SEC14L1: variants seen among roughly 807,000 people sequenced by gnomAD.
The protein encoded by SEC14L1 is SEC14-like protein 1.
Under a neutral mutation model 85.3 loss-of-function variants are expected in SEC14L1, and 48 were observed. The ratio of observed to expected loss-of-function variants is 0.56; its 90% confidence interval spans 0.45 to 0.72. SEC14L1 has a LOEUF of 0.72. Among genes scored for constraint, SEC14L1 ranks in the 30% least tolerant of loss-of-function variants. SEC14L1 has a pLI of 0.00. For synonymous variants in SEC14L1, 391 were observed against 355.5 expected (o/e 1.10, Z -1.12); for missense variants, 682 against 921.4 (o/e 0.74, Z 3.36).
At chr17:77,150,429 G>A (rs1973504328) in intron 3 of SEC14L1, among the ~76,000 whole-genome samples, 1 of 152,166 alleles carries the variant, frequency 6.6e-6, no homozygotes, top group Non-Finnish European at 1.5e-5. Flanking sequence ...CAAATACCAG[G>A]GGAACTGAAT....
intron 7 of SEC14L1, among the ~76,000 whole-genome samples, chr17:77,195,235 A>G (rs559414464): frequency 4.1e-4 from 62 of 151,694 alleles, no homozygotes; most frequent in Non-Finnish European, 6.5e-4. Context: ...GGCTCAAGCA[A>G]TCCTTCTGCC....
chr17:77,111,327 GT>G (rs1157899168), intron 3 of SEC14L1, among the ~76,000 whole-genome samples: 1 of 151,978 alleles, frequency 6.6e-6, no homozygotes, highest in Non-Finnish European at 1.5e-5. Context: ...GTCTAAAGAC[GT>G]GGGATTGATA....
intron 3 of SEC14L1, among the ~76,000 whole-genome samples, chr17:77,113,171 A>T (rs1972086273): frequency 6.6e-6 from 1 of 152,210 alleles, no homozygotes; most frequent in African/African-American, 2.4e-5. Flanking sequence ...AAAACAAAAA[A>T]AAGAAAGAAA....
intron 3 of SEC14L1, among the ~76,000 whole-genome samples, chr17:77,187,872 G>C (rs1224473435): frequency 1.3e-5 from 2 of 151,554 alleles, no homozygotes; most frequent in Non-Finnish European, 2.9e-5. Context: ...AGCCTCCTGA[G>C]TAGCTAGAAC....
At chr17:77,117,958 G>C (rs903421573) in intron 3 of SEC14L1, among the ~76,000 whole-genome samples, 1 of 152,188 alleles carries the variant, frequency 6.6e-6, no homozygotes, top group Non-Finnish European at 1.5e-5. Flanking sequence ...AAGTTCTCTC[G>C]AACCTAGGAC....
chr17:77,105,163 C>T (rs1971880999), intron 3 of SEC14L1, among the ~76,000 whole-genome samples: 1 of 152,122 alleles, frequency 6.6e-6, no homozygotes, highest in Non-Finnish European at 1.5e-5. Context: ...GAAGGGGAGG[C>T]AGGTTGGCCC....
At chr17:77,212,290 G>T in intron 15 of SEC14L1, 89 bp downstream of exon 15, 1 of 1,541,410 alleles carries the variant, frequency 6.5e-7, no homozygotes, top group Non-Finnish European at 8.8e-7. Context: ...TTCGCTCCTT[G>T]AGCAGCCCTG....
intron 8 of SEC14L1, among the ~76,000 whole-genome samples, chr17:77,200,103 C>T (rs1181633853): frequency 1.3e-5 from 2 of 152,160 alleles, no homozygotes; most frequent in Non-Finnish European, 2.9e-5. Flanking sequence ...TAGTTGGGGG[C>T]TGCAGTGAGC....
intron 3 of SEC14L1, chr17:77,185,417 G>C: frequency 1.0e-6 from 1 of 983,360 alleles, no homozygotes; most frequent in Non-Finnish European, 1.2e-6. Flanking sequence ...ATGAGTCTAC[G>C]TGGATGGAGA....
At position 77,194,736 on chromosome 17, in the gene SEC14L1, G is replaced by A. The variant is rs1178082347; in HGVS notation, c.534G>A (p.Val178=). 6.2e-7 allele frequency: 1 copy of A among 1,614,216 alleles called. No homozygotes were observed. Among genetic ancestry groups the A allele is most frequent in the African/African-American group, 1.3e-5 (1 of 75,068 alleles). ...TAGAAGAAGAAGGCATAACCTTTGTGCCCCGTTGGAGTCCGCCTTCCATCA... is the reference window on the plus strand; with the variant it reads ...TAGAAGAAGAAGGCATAACCTTTGTACCCCGTTGGAGTCCGCCTTCCATCA... ...RQLEEEGITF[V]PRWSPPSITT... Residue 178 remains valine, a synonymous_variant, in exon 7 of 17, where the codon GTG becomes GTA. Coordinates refer to ENST00000436233, the MANE Select transcript of SEC14L1 (RefSeq NM_001143998.2).
chr17:77,139,313 A>G (rs954807745), upstream of SEC14L1, among the ~76,000 whole-genome samples: 9 of 151,924 alleles, frequency 5.9e-5, no homozygotes, highest in Admixed American at 5.2e-4. Context: ...CTGGGATTAC[A>G]GGCATCTGGC....
At chr17:77,164,198 T>C (rs1197672636) in intron 3 of SEC14L1, among the ~76,000 whole-genome samples, 6 of 152,110 alleles carry the variant, frequency 3.9e-5, no homozygotes, top group Non-Finnish European at 1.5e-5. Flanking sequence ...CCCGGTACCG[T>C]GCCCCCGAGC....
intron 3 of SEC14L1, among the ~76,000 whole-genome samples, chr17:77,128,426 TTTTATTTTATTTTATTTTA>T: frequency 1.5e-5 from 1 of 65,052 alleles, no homozygotes; most frequent in Admixed American, 1.4e-4. Flanking sequence ...TTTTATTTTA[TTTTATTTTATTTTATTTTA>T]TTTTATTTTA....
At position 77,200,523 on chromosome 17, in the gene SEC14L1, C is replaced by T. The variant is rs150829875; in HGVS notation, c.859C>T (p.Arg287Trp). 7 of 1,613,878 alleles carry T rather than the reference C, an allele frequency of 4.3e-6. No individual in the cohort carries two copies. Among genetic ancestry groups the T allele is most frequent in the Admixed American group, 1.7e-5 (1 of 59,982 alleles). The change falls in exon 9 of 17, where the codon CGG becomes TGG. Residue 287 changes from arginine (R) to tryptophan (W), a missense_variant. By Grantham distance (101) the Arg-to-Trp change is moderately radical. This residue lies in a region of SEC14L1 where 420 missense variants were observed against 619.5 expected (regional missense o/e 0.68). Coordinates refer to ENST00000436233, the MANE Select transcript of SEC14L1 (RefSeq NM_001143998.2). ...GCATATTCTTCGGTTCCTCCGTGCA[C>T]GGGATTTTAATATTGACAAAGCCAG... ...DEHILRFLRA[R>W]DFNIDKAREI...
intron 3 of SEC14L1, chr17:77,185,279 A>G (rs946268358): frequency 2.1e-5 from 21 of 985,322 alleles, no homozygotes; most frequent in African/African-American, 3.5e-5. Context: ...GGCGCTTGCT[A>G]ACTGCCCCTG....
upstream of SEC14L1, among the ~76,000 whole-genome samples, chr17:77,139,496 TG>T (rs1454044060): frequency 2.5e-5 from 2 of 81,400 alleles, no homozygotes; most frequent in African/African-American, 4.9e-5. Context: ...AAGGTGGATG[TG>T]ATTTTTTTTT....
chr17:77,181,827 A>T (rs1975051786), intron 3 of SEC14L1, among the ~76,000 whole-genome samples: 1 of 152,074 alleles, frequency 6.6e-6, no homozygotes, highest in South Asian at 2.1e-4. Context: ...GGCCCTCTGT[A>T]AAGAGCTGTT....
chr17:77,130,410 G>A (rs766995691), intron 3 of SEC14L1, among the ~76,000 whole-genome samples: 15 of 152,168 alleles, frequency 9.9e-5, no homozygotes, highest in South Asian at 2.1e-4. Flanking sequence ...TCCACCTCCT[G>A]AGTTCAAGTG....
At chr17:77,150,296 G>A (rs1410531801) in intron 3 of SEC14L1, among the ~76,000 whole-genome samples, 1 of 152,172 alleles carries the variant, frequency 6.6e-6, no homozygotes, top group Non-Finnish European at 1.5e-5. Flanking sequence ...AGTGACTAGT[G>A]TAAGACTGCT....
Sources: allele counts gnomAD v4.1 joint callset (sites outside exome capture counted in the v4.1 genomes callset), GRCh38; gene constraint gnomAD v4.1.1; regional missense constraint gnomAD v4.1.1; transcripts MANE v1.5; gene names NCBI Gene and HGNC (gene_info 2026-07-23, HGNC 2026-07-21).